DMD: variants seen among roughly 807,000 people sequenced by gnomAD.
DMD encodes mutant dystrophin.
DMD carries 63 observed loss-of-function variants against 330.1 expected under a neutral mutation model. That is an observed-to-expected ratio of 0.19 (90% CI 0.16 to 0.24). DMD has a LOEUF of 0.24. Ranked by LOEUF, DMD falls within the 10% of genes least tolerant of loss-of-function variation. The pLI is 1.00. For missense variants in DMD, 3,344 were observed against 2,684.1 expected, an observed-to-expected ratio of 1.25 and a Z score of -5.43; for synonymous variants, 1,223 against 959.8, an observed-to-expected ratio of 1.27 and a Z score of -5.07.
rs749255050 is a variant in DMD, at chrX:32,151,969, G to A, written c.6438+64947C>T. 3.9e-3 allele frequency among the ~76,000 whole-genome samples: 440 copies of A among 111,642 alleles called. 1 individual carries two copies. Among genetic ancestry groups the A allele is most frequent in the Non-Finnish European group, 7.4e-3 (391 of 53,036 alleles). ...TCTTTATATCTTGGAGATTTTCCCT[G>A]GCATATTCAAATAAATAGCTGTTTA... On this transcript the variant is annotated intron_variant, in intron 44 of 78. Transcript: ENST00000357033.
At chrX:33,272,419 G>A (rs2053172115) in intron 1 of DMD, among the ~76,000 whole-genome samples, 1 of 111,732 alleles carries the variant, frequency 8.9e-6, no homozygotes, top group Non-Finnish European at 1.9e-5. Context: ...AATTCAAGGG[G>A]CAGTTTATAA....
chrX:32,910,832 A>G (rs2087173329), intron 2 of DMD, among the ~76,000 whole-genome samples: 1 of 112,171 alleles, frequency 8.9e-6, no homozygotes, highest in Admixed American at 9.5e-5. Context: ...AGGAAATATG[A>G]ACTTGCTTTC....
intron 11 of DMD, among the ~76,000 whole-genome samples, chrX:32,634,611 G>C (rs187087249): frequency 1.8e-5 from 2 of 111,963 alleles, no homozygotes; most frequent in Non-Finnish European, 3.8e-5. Flanking sequence ...TTCTGGCCCA[G>C]GGTGTGTTCA....
chrX:32,756,205 G>A (rs1569510824), intron 7 of DMD: 1 of 111,921 alleles, frequency 8.9e-6, no homozygotes, highest in Admixed American at 9.5e-5. Context: ...ATTCAGTCCT[G>A]AACAGACAAA....
intron 43 of DMD, among the ~76,000 whole-genome samples, chrX:32,229,094 GTTTTT>G (rs753673337): frequency 3.7e-5 from 4 of 109,445 alleles, no homozygotes; most frequent in African/African-American, 1.0e-4. Context: ...TTTGTTTCTT[GTTTTT>G]TTTAAGTGTC....
At chrX:32,698,304 AG>A (rs2063806793) in intron 8 of DMD, among the ~76,000 whole-genome samples, 1 of 111,406 alleles carries the variant, frequency 9.0e-6, no homozygotes, top group African/African-American at 3.3e-5. Context: ...CGGCAAAAAC[AG>A]GCATCCATAA....
chrX:32,295,874 A>G, intron 42 of DMD, among the ~76,000 whole-genome samples: 1 of 112,163 alleles, frequency 8.9e-6, no homozygotes, highest in Non-Finnish European at 1.9e-5. Flanking sequence ...GCCTGCCTTT[A>G]CCATCTAAAT....
At chrX:33,158,109 A>G (rs2048596521) in intron 1 of DMD, among the ~76,000 whole-genome samples, 1 of 112,258 alleles carries the variant, frequency 8.9e-6, no homozygotes, top group African/African-American at 3.2e-5. Context: ...ATAAAAAGTC[A>G]TTATCTTATG....
At chrX:31,680,484 T>C (rs2082318963) in intron 52 of DMD, among the ~76,000 whole-genome samples, 1 of 109,940 alleles carries the variant, frequency 9.1e-6, no homozygotes, top group Non-Finnish European at 1.9e-5. Context: ...TATCCTCCTG[T>C]CTCAGCCTCC....
At chrX:32,195,172 T>G (rs899674641) in intron 44 of DMD, among the ~76,000 whole-genome samples, 2 of 111,571 alleles carry the variant, frequency 1.8e-5, no homozygotes, top group African/African-American at 6.5e-5. Context: ...ATGTGGACTC[T>G]GCTTACCAAT....
intron 50 of DMD, among the ~76,000 whole-genome samples, chrX:31,818,411 CA>C (rs1278556446): frequency 3.6e-5 from 4 of 111,549 alleles, no homozygotes; most frequent in African/African-American, 1.3e-4. Context: ...AACATTGTTA[CA>C]TTTAGGTAAG....
chrX:32,744,589 C>A (rs1490083835), intron 7 of DMD, among the ~76,000 whole-genome samples: 1 of 111,016 alleles, frequency 9.0e-6, no homozygotes, highest in African/African-American at 3.3e-5. Context: ...TTCTTTACTC[C>A]CTCCCTCCAA....
At chrX:31,779,728 CAGACAG>C (rs991457190) in intron 50 of DMD, among the ~76,000 whole-genome samples, 1 of 105,782 alleles carries the variant, frequency 9.5e-6, no homozygotes, top group African/African-American at 3.5e-5. Flanking sequence ...TAAAGAGAGA[CAGACAG>C]AGACAGAGCA....
intron 44 of DMD, among the ~76,000 whole-genome samples, chrX:32,047,589 G>C (rs2096072924): frequency 1.8e-5 from 2 of 111,478 alleles, no homozygotes; most frequent in South Asian, 7.5e-4. Context: ...GTGGTATTTT[G>C]TGACCACTCT....
At chrX:31,701,281 GAAA>G (rs1216408690) in intron 52 of DMD, among the ~76,000 whole-genome samples, 1 of 111,621 alleles carries the variant, frequency 9.0e-6, no homozygotes, top group African/African-American at 3.3e-5. Flanking sequence ...AATTAACCCC[GAAA>G]AACAAAGTGG....
At chrX:32,949,337 GGT>G (rs2091051673) in intron 2 of DMD, among the ~76,000 whole-genome samples, 2 of 82,636 alleles carry the variant, frequency 2.4e-5, no homozygotes, top group South Asian at 1.4e-3. Context: ...TAGGTAGGTA[GGT>G]AGGTAGATAG....
At chrX:31,556,283 C>T (rs748569119) in intron 55 of DMD, among the ~76,000 whole-genome samples, 27 of 103,696 alleles carry the variant, frequency 2.6e-4, no homozygotes, top group African/African-American at 9.6e-4. Context: ...AGGAGAATGG[C>T]GTGAACCCAG....
intron 19 of DMD, among the ~76,000 whole-genome samples, chrX:32,491,907 A>G (rs1211188564): frequency 1.8e-5 from 2 of 112,244 alleles, no homozygotes; most frequent in Admixed American, 9.4e-5. Flanking sequence ...TATTACTCAA[A>G]TATACTTCCC....
chrX:33,090,903 T>G (rs752357439), intron 1 of DMD, among the ~76,000 whole-genome samples: 11 of 111,269 alleles, frequency 9.9e-5, no homozygotes, highest in Non-Finnish European at 2.1e-4. Flanking sequence ...TCTTTTCTAT[T>G]TTAAAGTAGA....
Sources: allele counts gnomAD v4.1 joint callset (sites outside exome capture counted in the v4.1 genomes callset), GRCh38; gene constraint gnomAD v4.1.1; transcripts MANE v1.5; gene names NCBI Gene and HGNC (gene_info 2026-07-23, HGNC 2026-07-21).